Variants in CACNA1C observed in about 807,000 individuals in gnomAD.
CACNA1C encodes the protein voltage-dependent L-type calcium channel subunit alpha-1C.
CACNA1C carries 30 observed loss-of-function variants against 229.0 expected under a neutral mutation model. That is an observed-to-expected ratio of 0.13 (90% CI 0.10 to 0.18). The LOEUF (loss-of-function observed/expected upper bound fraction) is 0.18, where lower values mean the gene tolerates loss of function less well. Ranked by LOEUF, CACNA1C falls within the 10% of genes least tolerant of loss-of-function variation. The pLI is 1.00. For missense variants in CACNA1C, 1,658 were observed against 2,845.0 expected (o/e 0.58, Z 9.49); for synonymous variants, 1,114 against 1,132.5 (o/e 0.98, Z 0.33).
In CACNA1C at chr12:2,518,216, C is replaced by T. The variant is rs149383347; in HGVS notation, c.1390+5232C>T. On this transcript the variant is annotated intron_variant, in intron 9 of 46. Transcript: ENST00000399655. ...GCTTGTAAGAGCTGCAGGTTGCCCA[C>T]GATAGGGCCCCATGTGGCTTGAGAG... 1.3e-3 allele frequency among the ~76,000 whole-genome samples: 200 copies of T among 152,252 alleles called. 1 individual carries two copies. The highest frequency in any genetic ancestry group is 4.7e-3 in the African/African-American group (194 of 41,542).
At chr12:2,341,497 C>CT (rs3831601) in intron 3 of CACNA1C, among the ~76,000 whole-genome samples, 40,617 of 152,068 alleles carry the variant, frequency 0.27, 9,893 homozygotes, top group African/African-American at 0.66. Flanking sequence ...GGAGGCAGTG[C>CT]TGTGCGGGCC....
chr12:2,381,574 T>A (rs2154545525), intron 3 of CACNA1C, among the ~76,000 whole-genome samples: 1 of 152,322 alleles, frequency 6.6e-6, no homozygotes, highest in Admixed American at 6.5e-5. Context: ...CCTGGCTCCT[T>A]GCCTCCAGGT....
Position 2,379,948 on chromosome 12 carries a change from G to A in CACNA1C, c.478-69028G>A, listed in dbSNP as rs1278367201. Among the ~76,000 whole-genome samples, 2 of 146,776 alleles carry A rather than the reference G, an allele frequency of 1.4e-5. 1 individual carries two copies. Among genetic ancestry groups the A allele is most frequent in the South Asian group, 4.4e-4 (2 of 4,552 alleles). On this transcript the variant is annotated intron_variant, in intron 3 of 46. Transcript: ENST00000399655. Reference sequence around the variant, plus strand: ...TGGGAGGCTGAGGCAGGAGAATGGCGTGAACCCGGGAGGCGGAGCTTGCAG... The same window carrying A: ...TGGGAGGCTGAGGCAGGAGAATGGCATGAACCCGGGAGGCGGAGCTTGCAG...
At chr12:2,572,029 T>C (rs957903165) in intron 13 of CACNA1C, among the ~76,000 whole-genome samples, 15 of 123,610 alleles carry the variant, frequency 1.2e-4, no homozygotes, top group Middle Eastern at 3.7e-3. Context: ...GTAGAAGAAA[T>C]TTCTTCTCTT....
chr12:2,446,311 A>G (rs2099278764), intron 3 of CACNA1C, among the ~76,000 whole-genome samples: 1 of 137,594 alleles, frequency 7.3e-6, no homozygotes, highest in South Asian at 2.5e-4. Context: ...GGGTGGATGT[A>G]TAGATGGGTG....
At chr12:2,237,720 C>T (rs1340965715) in intron 3 of CACNA1C, among the ~76,000 whole-genome samples, 2 of 152,208 alleles carry the variant, frequency 1.3e-5, no homozygotes, top group African/African-American at 2.4e-5. Flanking sequence ...CAGATGGTGG[C>T]TTTAATCTCA....
chr12:2,052,773 C>G (rs1015373893), upstream of CACNA1C, among the ~76,000 whole-genome samples: 18 of 145,174 alleles, frequency 1.2e-4, no homozygotes, highest in African/African-American at 4.5e-4. Context: ...CCGCGGGCGC[C>G]GGGAGGGGGC....
In CACNA1C at chr12:2,688,523, C is replaced by T; in HGVS notation, c.5861C>T (p.Thr1954Ile). Residue 1954 changes from threonine (T) to isoleucine (I), a missense_variant, in exon 46 of 47, where the codon ACC (threonine) becomes ATC (isoleucine). Transcript: ENST00000399655. ...SPASFPRPFA[T>I]PPATPGSRGW... ...GCCTCATTCCCTAGGCCTTTTGCCA[C>T]CCCACCAGCCACACCTGGCAGCCGA... 5.6e-6 allele frequency: 9 copies of T among 1,613,904 alleles called. No homozygotes were observed. The highest frequency in any genetic ancestry group is 1.6e-4 in the Middle Eastern group (1 of 6,062).
intron 3 of CACNA1C, among the ~76,000 whole-genome samples, chr12:2,231,488 A>G (rs2065112305): frequency 1.3e-5 from 2 of 152,320 alleles, no homozygotes; most frequent in Admixed American, 6.5e-5. Flanking sequence ...AACCCTTTTG[A>G]GAGTGGGAGG....
intron 3 of CACNA1C, among the ~76,000 whole-genome samples, chr12:2,218,640 G>C (rs1171192642): frequency 6.6e-6 from 1 of 152,186 alleles, no homozygotes; most frequent in Non-Finnish European, 1.5e-5. Flanking sequence ...ATTGAGTTAG[G>C]ATGGCTTGTT....
intron 3 of CACNA1C, among the ~76,000 whole-genome samples, chr12:2,172,582 C>A (rs1183185616): frequency 2.6e-5 from 4 of 152,042 alleles, no homozygotes; most frequent in African/African-American, 9.7e-5. Flanking sequence ...AAAGGAGGAC[C>A]CACGGAGAAG....
intron 3 of CACNA1C, among the ~76,000 whole-genome samples, chr12:2,383,532 G>A (rs2098305955): frequency 6.6e-6 from 1 of 152,166 alleles, no homozygotes; most frequent in African/African-American, 2.4e-5. Flanking sequence ...TGGAAAGCCT[G>A]AATTCCCAGA....
At chr12:2,391,583 A>T (rs932795900) in intron 3 of CACNA1C, among the ~76,000 whole-genome samples, 6 of 144,172 alleles carry the variant, frequency 4.2e-5, no homozygotes, top group African/African-American at 1.0e-4. Context: ...GGCAGGAGCC[A>T]TGACAGTGGG....
chr12:2,624,884 G>C (rs1289836602), intron 29 of CACNA1C, among the ~76,000 whole-genome samples: 2 of 152,244 alleles, frequency 1.3e-5, no homozygotes, highest in African/African-American at 4.8e-5. Context: ...AAGGGACCGG[G>C]AAAGAAGGGC....
At chr12:1,977,483 T>A (rs1374568661) in intron 1 of CACNA1C, among the ~76,000 whole-genome samples, 1 of 152,250 alleles carries the variant, frequency 6.6e-6, no homozygotes, top group African/African-American at 2.4e-5. Context: ...AATCATCAGA[T>A]ACACATATAC....
intron 3 of CACNA1C, among the ~76,000 whole-genome samples, chr12:2,203,900 C>T (rs1004620019): frequency 1.4e-4 from 21 of 152,216 alleles, no homozygotes; most frequent in Non-Finnish European, 2.4e-4. Flanking sequence ...CCCAGGTCCC[C>T]GGCACAGGTC....
At chr12:2,019,987 T>A (rs1593817636) in intron 1 of CACNA1C, 1 of 152,210 alleles carries the variant, frequency 6.6e-6, no homozygotes, top group Non-Finnish European at 1.5e-5. Flanking sequence ...TGTTTAAAGG[T>A]ATACATTTCT....
rs763935603 is a variant in CACNA1C, at chr12:2,668,988, C to T, written c.4679C>T (p.Ala1560Val). The T allele has an allele frequency of 6.2e-7, 1 of 1,614,120 alleles. No homozygotes were observed. The highest frequency in any genetic ancestry group is 1.3e-5 in the African/African-American group (1 of 75,042). Residue 1560 changes from alanine (A) to valine (V), a missense_variant, in exon 38 of 47, where the codon GCC (alanine) becomes GTC (valine). By Grantham distance (64) the Ala-to-Val change is moderately conservative. Coordinates refer to ENST00000399655, the MANE Select transcript of CACNA1C (RefSeq NM_000719.7). ...AGCGACGGGACAGTCATGTTCAATGCCACCCTGTTTGCCCTGGTCAGGACG... is the reference window on the plus strand; with the variant it reads ...AGCGACGGGACAGTCATGTTCAATGTCACCCTGTTTGCCCTGGTCAGGACG... ...LNSDGTVMFNATLFALVRTAL... is the reference protein window; with the variant it reads ...LNSDGTVMFNVTLFALVRTAL...
At position 2,467,794 on chromosome 12, in the gene CACNA1C, A is replaced by G. The variant is rs1037230872; in HGVS notation, c.757+10088A>G. ...CCAGTTAAGCAACTCTCTTCCCGGC[A>G]TCCTCCCAGGTGCCCCTGAAAGACG... is the stretch of plus-strand genomic sequence containing the variant. On this transcript the variant is annotated intron_variant, in intron 5 of 46. Transcript: ENST00000399655. This position sits in a 1 kb window ranked among gnomAD's most constrained non-coding sequence, Gnocchi z 4.6. Among the ~76,000 whole-genome samples the G allele has an allele frequency of 9.2e-5, 14 of 152,176 alleles. No individual in the cohort carries two copies. The highest frequency in any genetic ancestry group is 3.4e-4 in the African/African-American group (14 of 41,516).
Sources: allele counts gnomAD v4.1 joint callset (sites outside exome capture counted in the v4.1 genomes callset), GRCh38; gene constraint gnomAD v4.1.1; non-coding constraint Gnocchi (gnomAD v3.1); transcripts MANE v1.5; gene names NCBI Gene and HGNC (gene_info 2026-07-23, HGNC 2026-07-21).